The following CSMD2 variants were observed in gnomAD, a reference collection of about 807,000 sequenced individuals.
CSMD2 encodes CUB and Sushi multiple domains 2, also known as CUB and sushi domain-containing protein 2.
In CSMD2, 130 loss-of-function variants were observed where a neutral mutation model predicts 398.5. The ratio of observed to expected loss-of-function variants is 0.33; its 90% CI spans 0.28 to 0.38. CSMD2 has a LOEUF of 0.38. Among genes scored for constraint, CSMD2 ranks in the 10% least tolerant of loss-of-function variants. The probability of loss-of-function intolerance (pLI) is 1.00; values close to 1 mark genes in which losing one functional copy is unlikely to be tolerated. For missense variants in CSMD2, 3,829 were observed against 4,764.9 expected (o/e 0.80, Z 5.78); for synonymous variants, 1,828 against 1,908.5 (o/e 0.96, Z 1.10).
chr1:33,891,720 TA>T (rs1181142250), intron 5 of CSMD2, among the ~76,000 whole-genome samples: 2 of 151,458 alleles, frequency 1.3e-5, no homozygotes, highest in Non-Finnish European at 2.9e-5. Flanking sequence ...TATGCAGCCA[TA>T]AAAAATGAAG....
At chr1:33,748,032 C>T (rs1472729218) in intron 13 of CSMD2, among the ~76,000 whole-genome samples, 3 of 152,158 alleles carry the variant, frequency 2.0e-5, no homozygotes, top group African/African-American at 7.2e-5. Context: ...GGACAGCTAC[C>T]AAGAGGCATT....
rs527474123 is a variant in CSMD2, at chr1:34,164,422, CG to C, written c.187+488del. On this transcript the variant is annotated intron_variant, in intron 1 of 70. Transcript: ENST00000373381. The surrounding 1 kb of genome is among the most constrained non-coding windows in gnomAD (Gnocchi z 6.2). Reference sequence around the variant, plus strand: ...ACCGGTTTCAATTGGAGAAAATGGGCGGGGGCAGGGAAGGGCAGACCTTGCA... The same window carrying C: ...ACCGGTTTCAATTGGAGAAAATGGGCGGGGCAGGGAAGGGCAGACCTTGCA... 3.6e-3 allele frequency among the ~76,000 whole-genome samples: 550 copies of C among 151,838 alleles called. 3 individuals carry two copies. The highest frequency in any genetic ancestry group is 0.034 in the Middle Eastern group (10 of 294).
At chr1:34,013,446 T>C (rs1647648541) in intron 3 of CSMD2, among the ~76,000 whole-genome samples, 1 of 152,008 alleles carries the variant, frequency 6.6e-6, no homozygotes, top group African/African-American at 2.4e-5. Flanking sequence ...AGACCCCAAA[T>C]CCCTCCACTC....
At chr1:33,877,131 G>A (rs1036246450) in intron 5 of CSMD2, among the ~76,000 whole-genome samples, 1 of 152,226 alleles carries the variant, frequency 6.6e-6, no homozygotes, top group Non-Finnish European at 1.5e-5. Flanking sequence ...AATGGCTGCT[G>A]AGAGGAAATG....
At position 33,739,216 on chromosome 1, in the gene CSMD2, A is replaced by G. The variant is rs749645878; in HGVS notation, c.2292T>C (p.Thr764=). Residue 764 remains threonine (T), a synonymous_variant, in exon 15 of 71, where the codon ACT becomes ACC. Coordinates refer to ENST00000373381, the MANE Select transcript of CSMD2 (RefSeq NM_001281956.2). ...CGCAGGTGATGGTCTCTGAGCCCTG[A>G]GTCCCAAGGAAGCCTTCATCACAGA... ...SFLCDEGFLG[T]QGSETITCVL... is the part of the protein sequence containing the mutation. 4 of 1,614,200 alleles carry G rather than the reference A, an allele frequency of 2.5e-6. No homozygotes were observed. The highest frequency in any genetic ancestry group is 3.3e-5 in the Admixed American group (2 of 60,026).
At chr1:33,774,578 A>AGCATTTC in intron 12 of CSMD2, among the ~76,000 whole-genome samples, 1 of 152,276 alleles carries the variant, frequency 6.6e-6, no homozygotes, top group East Asian at 1.9e-4. Flanking sequence ...AGACCTGGTG[A>AGCATTTC]AAGTTACACA....
intron 1 of CSMD2, among the ~76,000 whole-genome samples, chr1:34,153,485 C>T (rs1354162784): frequency 6.6e-6 from 1 of 152,228 alleles, no homozygotes; most frequent in Non-Finnish European, 1.5e-5. Flanking sequence ...CGCCATTTGG[C>T]TGTTGTGAAT....
Position 33,550,244 on chromosome 1 carries a change from C to G in CSMD2, c.8850G>C (p.Leu2950=), listed in dbSNP as rs754346121. ...VRYSCIGKRT[L]VGNSTRMCGL... is the part of the protein sequence containing the mutation. ...CACACATGCGGGTGCTGTTTCCCAC[C>G]AGAGTACGCTTGCCGATGCAGCTGT... The change falls in exon 56 of 71, where the codon CTG becomes CTC. Residue 2950 remains leucine, a synonymous_variant. Coordinates refer to ENST00000373381, the MANE Select transcript of CSMD2 (RefSeq NM_001281956.2). The G allele has an allele frequency of 3.7e-6, 6 of 1,614,224 alleles. No homozygotes were observed. The South Asian group carries it at 6.6e-5, about 18-fold the overall frequency.
At chr1:34,005,955 C>T (rs10799016) in intron 3 of CSMD2, among the ~76,000 whole-genome samples, 13,269 of 152,236 alleles carry the variant, frequency 0.087, 1,127 homozygotes, top group East Asian at 0.4. Flanking sequence ...TGCTCATCCA[C>T]CCCCATGCAG....
chr1:33,534,303 C>A (rs1655554200), intron 62 of CSMD2, among the ~76,000 whole-genome samples: 1 of 152,224 alleles, frequency 6.6e-6, no homozygotes, highest in East Asian at 1.9e-4. Flanking sequence ...TTGTGACACT[C>A]AAATGTGATG....
chr1:33,613,724 C>A (rs900965443), intron 40 of CSMD2, among the ~76,000 whole-genome samples: 5 of 152,168 alleles, frequency 3.3e-5, no homozygotes, highest in Non-Finnish European at 5.9e-5. Flanking sequence ...CATTTCATTC[C>A]TAGAAGCAGT....
chr1:34,092,698 G>A (rs1009406015), intron 1 of CSMD2, among the ~76,000 whole-genome samples: 8 of 150,826 alleles, frequency 5.3e-5, no homozygotes, highest in South Asian at 2.1e-4. Flanking sequence ...GCGCTTTTCC[G>A]ACGGGCTTAA....
At chr1:33,951,584 G>A (rs79180274) in intron 3 of CSMD2, among the ~76,000 whole-genome samples, 2,011 of 152,148 alleles carry the variant, frequency 0.013, 20 homozygotes, top group Non-Finnish European at 0.017. Flanking sequence ...CCCCTCGCCC[G>A]TCCTCCACTT....
intron 3 of CSMD2, among the ~76,000 whole-genome samples, chr1:33,959,814 C>T (rs924530830): frequency 3.9e-5 from 6 of 152,168 alleles, no homozygotes; most frequent in Non-Finnish European, 7.3e-5. Flanking sequence ...TTTCCCTGAC[C>T]CTGCTTTTGT....
At chr1:33,625,322 A>T (rs1032869149) in intron 33 of CSMD2, 68 bp from the exon 34 acceptor site, 9 of 1,411,178 alleles carry the variant, frequency 6.4e-6, no homozygotes, top group Non-Finnish European at 7.8e-6. Flanking sequence ...CGGACATACA[A>T]CGGGTCTGGA....
rs180971344 is a variant in CSMD2 at position 33,902,451 on chromosome 1, T to C, written c.920+15643A>G. Among the ~76,000 whole-genome samples, 192 of 152,286 alleles carry C rather than the reference T, an allele frequency of 1.3e-3. 1 individual carries two copies. Among genetic ancestry groups the C allele is most frequent in the African/African-American group, 4.5e-3 (185 of 41,560 alleles). ...ATGCTCTATCACATCATGTTTCTCC[T>C]CTTTGGTGCACACGAATCCACAGTG... is the stretch of plus-strand genomic sequence containing the variant. On this transcript the variant is annotated intron_variant, in intron 5 of 70. Transcript: ENST00000373381.
chr1:33,840,509 G>A (rs1557986049), intron 6 of CSMD2, among the ~76,000 whole-genome samples: 1 of 152,192 alleles, frequency 6.6e-6, no homozygotes, highest in Non-Finnish European at 1.5e-5. Flanking sequence ...TCTTCTAGCT[G>A]TTGCCCCATG....
intron 2 of CSMD2, among the ~76,000 whole-genome samples, chr1:34,047,950 G>T (rs1176408764): frequency 3.3e-5 from 5 of 152,236 alleles, no homozygotes. Context: ...GTCTCCCCAA[G>T]AGAGGGGATT....
chr1:33,840,987 G>T (rs1208963092), intron 6 of CSMD2, among the ~76,000 whole-genome samples: 1 of 152,210 alleles, frequency 6.6e-6, no homozygotes, highest in Non-Finnish European at 1.5e-5. Context: ...AGAAGCTTCA[G>T]CTTGTTATTA....
Sources: gnomAD v4.1 joint callset for allele counts (sites outside exome capture counted in the v4.1 genomes callset) on GRCh38, gnomAD v4.1.1 for gene constraint, Gnocchi (gnomAD v3.1) non-coding constraint, MANE v1.5 for transcripts, NCBI Gene and HGNC (gene_info 2026-07-23, HGNC 2026-07-21) for gene names.